Variants in HSD17B12 observed in about 807,000 individuals in gnomAD.
HSD17B12 encodes very-long-chain 3-oxoacyl-CoA reductase.
HSD17B12 carries 32 observed loss-of-function variants against 39.3 expected under a neutral mutation model. The observed-to-expected ratio is 0.81, with a 90% CI of 0.61 to 1.09. HSD17B12 has a LOEUF of 1.09. HSD17B12 is among the 50% of genes least tolerant of loss of function. HSD17B12 has a pLI of 0.00. For synonymous variants in HSD17B12, 150 were observed against 146.7 expected (o/e 1.02, Z -0.16); for missense variants, 342 against 382.9 (o/e 0.89, Z 0.89).
Position 43,830,995 on chromosome 11 carries a change from C to G in HSD17B12, c.521C>G (p.Pro174Arg). 6.2e-6 allele frequency: 10 copies of G among 1,607,694 alleles called. No homozygotes were observed. The highest frequency in any genetic ancestry group is 8.5e-6 in the Non-Finnish European group (10 of 1,176,910). The change falls in exon 7 of 11, where the codon CCT becomes CGT. Residue 174 changes from proline (P) to arginine (R), a missense_variant. Physicochemically the swap from Pro to Arg is moderately radical, Grantham distance 103. Coordinates refer to ENST00000278353, the MANE Select transcript of HSD17B12 (RefSeq NM_016142.3). ...TTGCAGATGACACAATTGGTACTGC[C>G]TGGCATGGTGGAAAGGTGAGTCACA... ...SVCKMTQLVLPGMVERSKGAI... is the reference protein window; with the variant it reads ...SVCKMTQLVLRGMVERSKGAI...
chr11:43,837,050 AAAC>A (rs892176567), intron 7 of HSD17B12, among the ~76,000 whole-genome samples: 1 of 152,144 alleles, frequency 6.6e-6, no homozygotes, highest in African/African-American at 2.4e-5. Context: ...GACTTCTGTT[AAAC>A]AACAACAACA....
the HSD17B12 span, among the ~76,000 whole-genome samples, chr11:43,618,609 T>C: frequency 6.6e-6 from 1 of 152,064 alleles, no homozygotes; most frequent in African/African-American, 2.4e-5. Context: ...TACTGAAGGG[T>C]TGGTTAAATA....
intron 3 of HSD17B12, among the ~76,000 whole-genome samples, chr11:43,770,956 A>G (rs1950643202): frequency 6.6e-6 from 1 of 152,214 alleles, no homozygotes; most frequent in Non-Finnish European, 1.5e-5. Flanking sequence ...TGCTTTTGTC[A>G]CATAACAAAT....
intron 1 of HSD17B12, among the ~76,000 whole-genome samples, chr11:43,702,093 A>C (rs1354320713): frequency 6.6e-6 from 1 of 152,126 alleles, no homozygotes; most frequent in Non-Finnish European, 1.5e-5. Flanking sequence ...GCTATTATAA[A>C]GGGGATTACT....
chr11:43,595,491 A>C, the HSD17B12 span, among the ~76,000 whole-genome samples: 1 of 152,222 alleles, frequency 6.6e-6, no homozygotes. Context: ...TCATTTATTT[A>C]TCCAACAGAA....
intron 1 of HSD17B12, among the ~76,000 whole-genome samples, chr11:43,703,707 A>AATCATATT (rs1949988221): frequency 6.6e-6 from 1 of 152,122 alleles, no homozygotes; most frequent in Non-Finnish European, 1.5e-5. Flanking sequence ...ATTGGCATAT[A>AATCATATT]GTTACTCATA....
At chr11:43,668,678 A>G in the HSD17B12 span, among the ~76,000 whole-genome samples, 1 of 152,122 alleles carries the variant, frequency 6.6e-6, no homozygotes, top group Non-Finnish European at 1.5e-5. Flanking sequence ...TTTAGAATGA[A>G]TAGAATTAAA....
chr11:43,595,236 G>T, the HSD17B12 span, among the ~76,000 whole-genome samples: 1 of 152,210 alleles, frequency 6.6e-6, no homozygotes, highest in South Asian at 2.1e-4. Flanking sequence ...GATTTTCATG[G>T]AGCTGTCTTA....
Position 43,778,107 on chromosome 11 carries a change from AAG to A in HSD17B12, c.284-20207_284-20206del, listed in dbSNP as rs1345020623. On this transcript the variant is annotated intron_variant, in intron 3 of 10. Transcript: ENST00000278353. ...CGCTAGCAAGACTAATAAAGAAAAA[AAG>A]AGAGAAGAATCAAATAGACACAATA... 2.2e-3 allele frequency among the ~76,000 whole-genome samples: 337 copies of A among 152,328 alleles called. 1 individual carries two copies. In the Middle Eastern group the frequency reaches 0.034, roughly 15 times the overall value.
chr11:43,653,424 A>C, the HSD17B12 span, among the ~76,000 whole-genome samples: 1 of 152,114 alleles, frequency 6.6e-6, no homozygotes, highest in Non-Finnish European at 1.5e-5. Context: ...ATTATACTTT[A>C]AGTTTTAGGG....
At chr11:43,603,040 T>G in the HSD17B12 span, among the ~76,000 whole-genome samples, 1 of 152,168 alleles carries the variant, frequency 6.6e-6, no homozygotes, top group Non-Finnish European at 1.5e-5. Flanking sequence ...TTGTGCTCCA[T>G]TTTCCAGCTC....
chr11:43,658,618 A>C, the HSD17B12 span, among the ~76,000 whole-genome samples: 2 of 151,982 alleles, frequency 1.3e-5, no homozygotes, highest in Admixed American at 6.6e-5. Flanking sequence ...AACAGTCAGG[A>C]CCCTCAGCTG....
At chr11:43,719,557 A>G (rs367717184) in intron 1 of HSD17B12, among the ~76,000 whole-genome samples, 40 of 151,786 alleles carry the variant, frequency 2.6e-4, no homozygotes, top group African/African-American at 9.4e-4. Context: ...CCCATCTACT[A>G]TGGTCCAACT....
intron 1 of HSD17B12, among the ~76,000 whole-genome samples, chr11:43,701,157 A>T (rs150854710): frequency 6.6e-6 from 1 of 152,180 alleles, no homozygotes; most frequent in East Asian, 1.9e-4. Context: ...GTCTATACAC[A>T]TATTCTGCCC....
At chr11:43,832,422 C>A (rs1951320406) in intron 7 of HSD17B12, among the ~76,000 whole-genome samples, 1 of 152,206 alleles carries the variant, frequency 6.6e-6, no homozygotes, top group South Asian at 2.1e-4. Flanking sequence ...GTTGCAAAAT[C>A]ATTTTACAGC....
chr11:43,698,414 C>T (rs560790370), intron 1 of HSD17B12, among the ~76,000 whole-genome samples: 1 of 152,234 alleles, frequency 6.6e-6, no homozygotes, highest in African/African-American at 2.4e-5. Flanking sequence ...TGTGGTGCCT[C>T]AGCAATGTAA....
At chr11:43,705,761 C>CTTTTTTTTTTTTTTT (rs56979348) in intron 1 of HSD17B12, among the ~76,000 whole-genome samples, 1 of 62,474 alleles carries the variant, frequency 1.6e-5, no homozygotes, top group Non-Finnish European at 2.9e-5. Flanking sequence ...CCTCTCTCCT[C>CTTTTTTTTTTTTTTT]TTTTTTTTTT....
At chr11:43,591,822 G>T in the HSD17B12 span, among the ~76,000 whole-genome samples, 17 of 151,662 alleles carry the variant, frequency 1.1e-4, no homozygotes, top group Admixed American at 3.9e-4. Flanking sequence ...TATCTAAGAA[G>T]GTATTTTATT....
chr11:43,620,286 TC>T, the HSD17B12 span, among the ~76,000 whole-genome samples: 1 of 152,166 alleles, frequency 6.6e-6, no homozygotes, highest in African/African-American at 2.4e-5. Context: ...ATTATTATCA[TC>T]CCCATTTTAT....
Sources: allele counts gnomAD v4.1 joint callset (sites outside exome capture counted in the v4.1 genomes callset), GRCh38; gene constraint gnomAD v4.1.1; transcripts MANE v1.5; gene names NCBI Gene and HGNC (gene_info 2026-07-23, HGNC 2026-07-21).